N4BP2: variants seen among roughly 807,000 people sequenced by gnomAD.
N4BP2 encodes the protein NEDD4-binding protein 2.
Under a neutral mutation model 152.8 loss-of-function variants are expected in N4BP2, and 91 were observed. The observed-to-expected ratio is 0.60, with a 90% confidence interval of 0.50 to 0.71. The LOEUF (loss-of-function observed/expected upper bound fraction) is 0.71, where lower values mean the gene tolerates loss of function less well. N4BP2 is among the 30% of genes least tolerant of loss of function. N4BP2 has a pLI of 0.00. For synonymous variants in N4BP2, 646 were observed against 705.3 expected (o/e 0.92, Z 1.33); for missense variants, 1,923 against 2,059.1 (o/e 0.93, Z 1.28).
At chr4:40,144,521 G>C in intron 15 of N4BP2, 111 bp from the exon 16 acceptor site, 1 of 836,414 alleles carries the variant, frequency 1.2e-6, no homozygotes, top group Non-Finnish European at 1.8e-6. Flanking sequence ...TAAGATTTTA[G>C]GTTTATTATT....
downstream of N4BP2, among the ~76,000 whole-genome samples, chr4:40,163,134 G>A (rs1409827119): frequency 2.0e-5 from 3 of 152,204 alleles, no homozygotes. Context: ...TAACTTTGAA[G>A]CACAGGAGAA....
intron 1 of N4BP2, among the ~76,000 whole-genome samples, chr4:40,072,175 A>G (rs1332766534): frequency 6.6e-6 from 1 of 151,596 alleles, no homozygotes; most frequent in Non-Finnish European, 1.5e-5. Context: ...TCCGGGTTCA[A>G]GTGATTCTTG....
chr4:40,099,377 G>GGATTACAGGCGTCCGCCAGGCAC (rs1715402820), intron 3 of N4BP2, among the ~76,000 whole-genome samples: 2 of 152,124 alleles, frequency 1.3e-5, no homozygotes, highest in Admixed American at 6.5e-5. Context: ...GAAGTAGCTG[G>GGATTACAGGCGTCCGCCAGGCAC]GATTACAGGC....
At chr4:40,136,533 C>T (rs909626918) in intron 13 of N4BP2, among the ~76,000 whole-genome samples, 5 of 151,898 alleles carry the variant, frequency 3.3e-5, no homozygotes, top group Non-Finnish European at 7.4e-5. Flanking sequence ...ATTACAGGCG[C>T]GCGTCACCAC....
chr4:40,162,713 G>A (rs1247355236), downstream of N4BP2, among the ~76,000 whole-genome samples: 1 of 152,162 alleles, frequency 6.6e-6, no homozygotes, highest in Non-Finnish European at 1.5e-5. Context: ...TAGCTTATTG[G>A]TGTATGTATT....
intron 1 of N4BP2, among the ~76,000 whole-genome samples, chr4:40,064,686 G>T (rs1027458867): frequency 3.9e-5 from 6 of 152,172 alleles, no homozygotes; most frequent in Non-Finnish European, 8.8e-5. Flanking sequence ...GATGTCTAGG[G>T]TGCATTGGGA....
intron 2 of N4BP2, among the ~76,000 whole-genome samples, chr4:40,075,108 G>A (rs1712596281): frequency 6.6e-6 from 1 of 151,942 alleles, no homozygotes; most frequent in Non-Finnish European, 1.5e-5. Flanking sequence ...TGTTTTATGT[G>A]TGGTACTATG....
the N4BP2 span, among the ~76,000 whole-genome samples, chr4:40,173,943 CTT>C: frequency 2.0e-5 from 3 of 152,160 alleles, no homozygotes; most frequent in Non-Finnish European, 4.4e-5. Context: ...TACTCATAAA[CTT>C]TTCTGGGCTT....
At chr4:40,180,757 T>A in the N4BP2 span, among the ~76,000 whole-genome samples, 2 of 152,254 alleles carry the variant, frequency 1.3e-5, no homozygotes, top group Middle Eastern at 3.2e-3. Flanking sequence ...GTGAGGTTAA[T>A]CTATTTTCCA....
intron 2 of N4BP2, among the ~76,000 whole-genome samples, chr4:40,091,747 CA>C (rs1245091532): frequency 6.7e-6 from 1 of 148,858 alleles, no homozygotes; most frequent in Middle Eastern, 3.2e-3. Flanking sequence ...TACCTGGGAC[CA>C]CAGGTACGTA....
chr4:40,123,209 A>G lies in N4BP2; in HGVS notation c.4281A>G (p.Val1427=). The change falls in exon 10 of 18, where the codon GTA becomes GTG. Residue 1427 remains valine (V), a synonymous_variant. Transcript: ENST00000261435. ...TTCATGAGAAATGGAAAGAATCTGT[A>G]ATGGTTGGTAGGCTTCTTTTTATAA... ...KVIHEKWKES[V]MERQRQEEVS... 2 of 1,604,792 alleles carry G rather than the reference A, an allele frequency of 1.2e-6. No individual in the cohort carries two copies. Among genetic ancestry groups the G allele is most frequent in the East Asian group, 4.5e-5 (2 of 44,756 alleles).
the N4BP2 span, among the ~76,000 whole-genome samples, chr4:40,169,690 T>C: frequency 2.8e-5 from 4 of 145,088 alleles, no homozygotes; most frequent in East Asian, 2.0e-4. Context: ...GGAAGCTGGG[T>C]GTGGTGGCTC....
intron 7 of N4BP2, among the ~76,000 whole-genome samples, chr4:40,116,419 C>T (rs1306844314): frequency 1.3e-5 from 2 of 151,958 alleles, no homozygotes; most frequent in African/African-American, 4.8e-5. Context: ...TTTTTCCTAT[C>T]ATGCCTTATT....
chr4:40,062,159 A>G (rs1437191450), intron 1 of N4BP2, among the ~76,000 whole-genome samples: 3 of 148,258 alleles, frequency 2.0e-5, no homozygotes, highest in Admixed American at 1.4e-4. Flanking sequence ...GCTTGCTGCA[A>G]TCTCCGCCTC....
Position 40,121,995 on chromosome 4 carries a change from CA to C in N4BP2, c.3887del (p.Asn1296IlefsTer4), listed in dbSNP as rs1365528566. 2.6e-6 allele frequency: 4 copies of C among 1,544,412 alleles called. No individual in the cohort carries two copies. The highest frequency in any genetic ancestry group is 3.5e-6 in the Non-Finnish European group (4 of 1,141,310). On this transcript the variant is annotated frameshift_variant, in exon 9 of 18. Coordinates refer to ENST00000261435, the MANE Select transcript of N4BP2 (RefSeq NM_018177.6). LOFTEE classifies it high-confidence loss of function. The stretch of plus-strand genomic sequence containing the variant: ...ATTTTTAACTTTGTATCTAGTACTT[CA>C]AATCTTGAATTAAATGAAGAAATTT... ...SDIFNFVSSTSNLELNEEIYF... is the reference protein window; with the variant it reads ...SDIFNFVSSTXNLELNEEIYF...
chr4:40,058,053 AGGTGGCCATT>A (rs1283834458), intron 1 of N4BP2, among the ~76,000 whole-genome samples: 1 of 152,222 alleles, frequency 6.6e-6, no homozygotes. Flanking sequence ...AACTCAGTAA[AGGTGGCCATT>A]GGTTGAGCTC....
chr4:40,081,228 A>G (rs1390332356), intron 2 of N4BP2, among the ~76,000 whole-genome samples: 1 of 152,140 alleles, frequency 6.6e-6, no homozygotes, highest in Non-Finnish European at 1.5e-5. Flanking sequence ...TAAAAAAATC[A>G]CCTATGATTC....
intron 2 of N4BP2, chr4:40,083,052 C>G (rs149056042): frequency 3.8e-6 from 1 of 265,720 alleles, no homozygotes; most frequent in Non-Finnish European, 7.7e-6. Context: ...GTAAACCTAC[C>G]CCGTATACTT....
chr4:40,071,904 T>A (rs902058068), intron 1 of N4BP2, among the ~76,000 whole-genome samples: 1 of 151,938 alleles, frequency 6.6e-6, no homozygotes, highest in Admixed American at 6.6e-5. Flanking sequence ...TATTTTATTT[T>A]ATTTTATTTT....
Sources: allele counts gnomAD v4.1 joint callset (sites outside exome capture counted in the v4.1 genomes callset), GRCh38; gene constraint gnomAD v4.1.1; transcripts MANE v1.5; gene names NCBI Gene and HGNC (gene_info 2026-07-23, HGNC 2026-07-21).